NWD1: variants seen among roughly 807,000 people sequenced by gnomAD.
NWD1 encodes NACHT and WD repeat domain containing 1.
Under a neutral mutation model 135.1 loss-of-function variants are expected in NWD1, and 129 were observed. That is an observed-to-expected ratio of 0.96 (90% CI 0.83 to 1.11). The LOEUF is 1.11. Ranked by LOEUF, NWD1 falls within the 50% of genes least tolerant of loss-of-function variation. NWD1 has a pLI of 0.00. For synonymous variants in NWD1, 773 were observed against 786.0 expected, an observed-to-expected ratio of 0.98 and a Z score of 0.28; for missense variants, 1,740 against 1,851.3, an observed-to-expected ratio of 0.94 and a Z score of 1.10.
chr19:16,779,543 C>T, intron 12 of NWD1, 78 bp downstream of exon 12: 1 of 1,376,220 alleles, frequency 7.3e-7, no homozygotes, highest in Non-Finnish European at 1.0e-6. Context: ...CCCACAGATT[C>T]ACTTCTCTGT....
intron 7 of NWD1, among the ~76,000 whole-genome samples, chr19:16,760,450 G>A (rs938925194): frequency 8.8e-4 from 133 of 151,620 alleles, no homozygotes; most frequent in Middle Eastern, 3.4e-3. Flanking sequence ...TGTGGAGATG[G>A]GGTCTCACCA....
At chr19:16,775,452 G>A (rs973238452) in intron 11 of NWD1, among the ~76,000 whole-genome samples, 1 of 152,096 alleles carries the variant, frequency 6.6e-6, no homozygotes, top group East Asian at 1.9e-4. Context: ...CATTTTCAGT[G>A]TAGGGCTGTC....
At chr19:16,803,539 G>A (rs901140768) in intron 17 of NWD1, among the ~76,000 whole-genome samples, 10 of 152,098 alleles carry the variant, frequency 6.6e-5, no homozygotes, top group Non-Finnish European at 1.3e-4. Context: ...ATTCCACAGA[G>A]GGTGATGATT....
At chr19:16,767,759 A>G in intron 10 of NWD1, among the ~76,000 whole-genome samples, 1 of 152,036 alleles carries the variant, frequency 6.6e-6, no homozygotes, top group East Asian at 1.9e-4. Flanking sequence ...TCAAGATGAG[A>G]TTTGGGTAGG....
rs182112746 is a variant in NWD1, at chr19:16,730,194, C to T, written c.-6-998C>T. Reference sequence around the variant, plus strand: ...AAAATTAGCCAGGTGTGGTGGTGCACGCCTGTAATCCCAGCTACTTGGGAG... The same window carrying T: ...AAAATTAGCCAGGTGTGGTGGTGCATGCCTGTAATCCCAGCTACTTGGGAG... On this transcript the variant is annotated intron_variant, in intron 2 of 18. Coordinates refer to ENST00000524140, the MANE Select transcript of NWD1 (RefSeq NM_001007525.5). 3.3e-4 allele frequency among the ~76,000 whole-genome samples: 50 copies of T among 152,052 alleles called. No homozygotes were observed. The East Asian group carries it at 6.8e-3, about 21-fold the overall frequency.
Position 16,759,243 on chromosome 19 carries a change from G to A in NWD1, c.1788G>A (p.Ala596=), listed in dbSNP as rs750059393. 6 of 1,613,902 alleles carry A rather than the reference G, an allele frequency of 3.7e-6. No individual in the cohort carries two copies. The highest frequency in any genetic ancestry group is 4.2e-6 in the Non-Finnish European group (5 of 1,179,952). The change falls in exon 7 of 19, where the codon GCG becomes GCA. Residue 596 remains alanine (A), a synonymous_variant. Transcript: ENST00000524140. ...CCTTCAGACACGGTCTCTCGGAGGC[G>A]GAGCTGAAGGATGTTTTGTCCCTGG... The part of the protein sequence containing the change: ...IVSSRHGLSE[A]ELKDVLSLDD...
At chr19:16,743,653 C>T (rs985185026) in intron 4 of NWD1, among the ~76,000 whole-genome samples, 2 of 150,594 alleles carry the variant, frequency 1.3e-5, no homozygotes, top group African/African-American at 5.0e-5. Context: ...AGAAACCATA[C>T]ATATTTATTT....
At chr19:16,789,666 C>T (rs535009633) in intron 13 of NWD1, among the ~76,000 whole-genome samples, 1 of 149,700 alleles carries the variant, frequency 6.7e-6, no homozygotes. Context: ...GATGTAAAAC[C>T]TTTCAAATTC....
chr19:16,789,263 A>G, intron 13 of NWD1, 73 bp downstream of exon 13: 2 of 1,187,122 alleles, frequency 1.7e-6, no homozygotes, highest in South Asian at 1.3e-5. Flanking sequence ...GGCCATTTCT[A>G]TAAGGAGGGC....
At chr19:16,809,210 A>C (rs991110257) in intron 18 of NWD1, among the ~76,000 whole-genome samples, 1 of 151,586 alleles carries the variant, frequency 6.6e-6, no homozygotes, top group African/African-American at 2.4e-5. Context: ...CGGCCTCCCA[A>C]GTAGCTGGGA....
intron 12 of NWD1, 50 bp from the exon 13 acceptor site, chr19:16,788,932 G>A: frequency 7.3e-7 from 1 of 1,378,050 alleles, no homozygotes; most frequent in Non-Finnish European, 1.0e-6. Context: ...TAGTTGCAAG[G>A]CCAAAATGTT....
intron 6 of NWD1, among the ~76,000 whole-genome samples, chr19:16,754,038 C>G (rs1599470225): frequency 1.3e-5 from 2 of 151,640 alleles, no homozygotes; most frequent in South Asian, 4.2e-4. Flanking sequence ...TCCATCCATC[C>G]ATCCATCCAT....
At chr19:16,773,530 C>A (rs563962729) in intron 11 of NWD1, among the ~76,000 whole-genome samples, 2 of 152,266 alleles carry the variant, frequency 1.3e-5, no homozygotes, top group South Asian at 2.1e-4. Context: ...CATATAAATT[C>A]TTCTAATGAG....
intron 1 of NWD1, among the ~76,000 whole-genome samples, chr19:16,722,520 C>T (rs1171408142): frequency 1.3e-5 from 2 of 151,856 alleles, no homozygotes; most frequent in Non-Finnish European, 2.9e-5. Context: ...AACTCCTGAC[C>T]TCAGGCGATC....
intron 11 of NWD1, among the ~76,000 whole-genome samples, chr19:16,778,495 T>TTC (rs1491183213): frequency 4.7e-3 from 47 of 9,920 alleles, no homozygotes; most frequent in East Asian, 0.044. Context: ...CTTCTTCTTC[T>TTC]TTTTTTTTTT....
intron 2 of NWD1, among the ~76,000 whole-genome samples, chr19:16,728,943 C>CAA (rs59881448): frequency 7.1e-5 from 7 of 98,728 alleles, no homozygotes; most frequent in East Asian, 3.8e-4. Flanking sequence ...GACTCCATCT[C>CAA]AAAAAAAAAA....
intron 14 of NWD1, among the ~76,000 whole-genome samples, chr19:16,791,912 C>T (rs927218823): frequency 6.6e-6 from 1 of 152,026 alleles, no homozygotes; most frequent in South Asian, 2.1e-4. Flanking sequence ...CAGGGTTTCT[C>T]CATGTTGGTC....
chr19:16,730,064 C>T (rs1967494193), intron 2 of NWD1, among the ~76,000 whole-genome samples: 1 of 152,162 alleles, frequency 6.6e-6, no homozygotes, highest in African/African-American at 2.4e-5. Context: ...TGGCTCACGC[C>T]TGTGATCCCA....
At chr19:16,769,992 C>T (rs1969360338) in intron 10 of NWD1, among the ~76,000 whole-genome samples, 1 of 152,182 alleles carries the variant, frequency 6.6e-6, no homozygotes, top group African/African-American at 2.4e-5. Flanking sequence ...TGCACACCAC[C>T]ACCCCTGGCT....
Sources: gnomAD v4.1 joint callset for allele counts (sites outside exome capture counted in the v4.1 genomes callset) on GRCh38, gnomAD v4.1.1 for gene constraint, MANE v1.5 for transcripts, NCBI Gene and HGNC (gene_info 2026-07-23, HGNC 2026-07-21) for gene names.